Variants in CAP2 observed in about 807,000 individuals in gnomAD.
CAP2 encodes adenylyl cyclase-associated protein 2.
Under a neutral mutation model 57.7 loss-of-function variants are expected in CAP2, and 24 were observed. That is an observed-to-expected ratio of 0.42 (90% CI 0.30 to 0.58). The LOEUF is 0.58. Among genes scored for constraint, CAP2 ranks in the 20% least tolerant of loss-of-function variants. The pLI is 0.22. For synonymous variants in CAP2, 194 were observed against 207.2 expected (o/e 0.94, Z 0.55); for missense variants, 501 against 590.3 (o/e 0.85, Z 1.57).
chr6:17,491,057 G>A (rs200103651), intron 4 of CAP2, among the ~76,000 whole-genome samples: 7 of 151,948 alleles, frequency 4.6e-5, no homozygotes, highest in African/African-American at 1.2e-4. Context: ...GCCTTGAGCC[G>A]GTAGAAACTC....
At chr6:17,486,109 C>T (rs1249200272) in intron 4 of CAP2, among the ~76,000 whole-genome samples, 1 of 152,050 alleles carries the variant, frequency 6.6e-6, no homozygotes, top group Non-Finnish European at 1.5e-5. Flanking sequence ...ATCTGGGAGG[C>T]TGAGGTCGGA....
chr6:17,544,546 T>TTC (rs1353163691), intron 11 of CAP2, among the ~76,000 whole-genome samples: 1 of 149,206 alleles, frequency 6.7e-6, no homozygotes, highest in East Asian at 1.9e-4. Context: ...ACTTCTATCT[T>TTC]TTTTTTTTTT....
intron 4 of CAP2, among the ~76,000 whole-genome samples, chr6:17,465,521 T>C (rs1373418641): frequency 6.6e-6 from 1 of 152,180 alleles, no homozygotes. Context: ...GGCCCTTCTC[T>C]CTACTTCCCT....
chr6:17,396,396 C>T (rs1758663972), intron 1 of CAP2, among the ~76,000 whole-genome samples: 2 of 152,098 alleles, frequency 1.3e-5, no homozygotes, highest in South Asian at 4.1e-4. Flanking sequence ...GGAAACAAAC[C>T]AAATGACTAT....
chr6:17,545,904 G>A (rs1763033337), intron 11 of CAP2, among the ~76,000 whole-genome samples: 1 of 152,166 alleles, frequency 6.6e-6, no homozygotes, highest in Non-Finnish European at 1.5e-5. Flanking sequence ...AGTATTCCAT[G>A]GTGTGTATGT....
At chr6:17,406,198 G>T (rs1299700494) in intron 1 of CAP2, among the ~76,000 whole-genome samples, 1 of 152,018 alleles carries the variant, frequency 6.6e-6, no homozygotes, top group Non-Finnish European at 1.5e-5. Context: ...TCTACCCCAA[G>T]ATCCCTTTTT....
intron 1 of CAP2, among the ~76,000 whole-genome samples, chr6:17,394,992 C>T (rs1758632707): frequency 6.6e-6 from 1 of 152,106 alleles, no homozygotes; most frequent in Non-Finnish European, 1.5e-5. Flanking sequence ...CAAGGAAAGG[C>T]GACTTCTCCA....
intron 3 of CAP2, among the ~76,000 whole-genome samples, chr6:17,446,461 C>T (rs1463941435): frequency 2.6e-5 from 4 of 151,994 alleles, no homozygotes; most frequent in South Asian, 2.1e-4. Context: ...TTGGAATTCA[C>T]GAGTGGGACA....
intron 1 of CAP2, among the ~76,000 whole-genome samples, chr6:17,396,921 G>A (rs561348835): frequency 2.0e-5 from 3 of 152,108 alleles, no homozygotes; most frequent in Non-Finnish European, 4.4e-5. Flanking sequence ...CTCTGTGCCT[G>A]CTCTCATGTC....
chr6:17,428,972 A>G (rs1759658694), intron 3 of CAP2, among the ~76,000 whole-genome samples: 2 of 152,182 alleles, frequency 1.3e-5, no homozygotes, highest in African/African-American at 2.4e-5. Context: ...TAAGAAAAAC[A>G]AAGATACTTC....
At chr6:17,504,503 C>T (rs1293168777) in intron 4 of CAP2, among the ~76,000 whole-genome samples, 1 of 152,192 alleles carries the variant, frequency 6.6e-6, no homozygotes, top group Non-Finnish European at 1.5e-5. Flanking sequence ...TTTTTCTCAG[C>T]ACCCAGTATC....
At chr6:17,471,493 T>A (rs1437614650) in intron 4 of CAP2, among the ~76,000 whole-genome samples, 1 of 152,104 alleles carries the variant, frequency 6.6e-6, no homozygotes, top group Non-Finnish European at 1.5e-5. Flanking sequence ...TAAATATCGG[T>A]TTCATTGATC....
At chr6:17,547,564 G>A (rs753030712) in intron 11 of CAP2, among the ~76,000 whole-genome samples, 35 of 152,154 alleles carry the variant, frequency 2.3e-4, no homozygotes, top group Admixed American at 7.9e-4. Context: ...CTAACTGACC[G>A]GGCACGGTGG....
chr6:17,454,813 C>T lies in CAP2; in HGVS notation c.223-8183C>T, dbSNP rs573241792. On this transcript the variant is annotated intron_variant, in intron 3 of 12. Coordinates refer to ENST00000229922, the MANE Select transcript of CAP2 (RefSeq NM_006366.3). ...CTTTTCCGTTTTCTATGCTTCAAGT[C>T]TCTCTCTGGGCAATAAAAGAGAACT... Among the ~76,000 whole-genome samples the T allele has an allele frequency of 2.6e-5, 4 of 152,318 alleles. No individual in the cohort carries two copies. In the South Asian group the frequency reaches 6.2e-4, roughly 24 times the overall value.
intron 4 of CAP2, among the ~76,000 whole-genome samples, chr6:17,480,369 T>C (rs1761257745): frequency 6.6e-6 from 1 of 152,210 alleles, no homozygotes; most frequent in African/African-American, 2.4e-5. Flanking sequence ...TGTATATTTT[T>C]CATTTTAACA....
At chr6:17,405,131 C>T (rs1232201456) in intron 1 of CAP2, among the ~76,000 whole-genome samples, 1 of 152,148 alleles carries the variant, frequency 6.6e-6, no homozygotes, top group African/African-American at 2.4e-5. Flanking sequence ...GCCTATAACC[C>T]CAGCACTTTG....
chr6:17,432,438 C>T (rs889542123), intron 3 of CAP2, among the ~76,000 whole-genome samples: 1 of 152,196 alleles, frequency 6.6e-6, no homozygotes, highest in African/African-American at 2.4e-5. Flanking sequence ...CATGAACTTC[C>T]AGTTTTCTGT....
chr6:17,421,463 C>CT, intron 1 of CAP2, 92 bp from the exon 2 acceptor site: 1 of 1,256,528 alleles, frequency 8.0e-7, no homozygotes, highest in Non-Finnish European at 1.2e-6. Context: ...GTGATTGTGT[C>CT]TTCCTCCTCG....
chr6:17,527,095 C>G (rs778761488), intron 7 of CAP2, among the ~76,000 whole-genome samples: 22 of 151,940 alleles, frequency 1.4e-4, no homozygotes, highest in Non-Finnish European at 3.1e-4. Context: ...GGTAACTAAT[C>G]TTTCTAACAG....
Sources: gnomAD v4.1 joint callset for allele counts (sites outside exome capture counted in the v4.1 genomes callset) on GRCh38, gnomAD v4.1.1 for gene constraint, MANE v1.5 for transcripts, NCBI Gene and HGNC (gene_info 2026-07-23, HGNC 2026-07-21) for gene names.